REV1: variants seen among roughly 807,000 people sequenced by gnomAD.
REV1 encodes the protein translesion synthesis protein REV1.
Under a neutral mutation model 137.4 loss-of-function variants are expected in REV1, and 42 were observed. That is an observed-to-expected ratio of 0.31 (90% confidence interval 0.24 to 0.40). REV1 has a LOEUF of 0.40. REV1 is among the 10% of genes least tolerant of loss of function. The pLI, the probability that REV1 is intolerant of heterozygous loss-of-function variation, is 1.00. For synonymous variants in REV1, 524 were observed against 519.2 expected (o/e 1.01, Z -0.12); for missense variants, 1,282 against 1,490.1 (o/e 0.86, Z 2.30).
At chr2:99,450,658 CATAA>C (rs1180692863) in intron 3 of REV1, among the ~76,000 whole-genome samples, 6 of 152,190 alleles carry the variant, frequency 3.9e-5, no homozygotes, top group East Asian at 1.9e-4. Flanking sequence ...ATGCAAGCCA[CATAA>C]ATAAAAATTT....
chr2:99,453,884 C>A (rs1298851756), intron 3 of REV1, among the ~76,000 whole-genome samples: 2 of 113,698 alleles, frequency 1.8e-5, no homozygotes, highest in Non-Finnish European at 3.4e-5. Flanking sequence ...CAGAGTAAGG[C>A]TCTGTCTCAA....
Position 99,434,463 on chromosome 2 carries a change from T to A in REV1, c.1322-15A>T. Reference sequence around the variant, plus strand: ...CACTGGTTTTCCTGTGAGGAAAATATTAAATTATTTCTGTATGTGGTACAG... The same window carrying A: ...CACTGGTTTTCCTGTGAGGAAAATAATAAATTATTTCTGTATGTGGTACAG... On this transcript the variant is annotated splice_polypyrimidine_tract_variant and intron_variant, in intron 7 of 22. Coordinates refer to ENST00000258428, the MANE Select transcript of REV1 (RefSeq NM_016316.4). 1.3e-6 allele frequency: 2 copies of A among 1,559,920 alleles called. No homozygotes were observed. The highest frequency in any genetic ancestry group is 1.7e-6 in the Non-Finnish European group (2 of 1,144,662).
At chr2:99,413,643 AC>A (rs1443949793) in intron 12 of REV1, among the ~76,000 whole-genome samples, 1 of 152,146 alleles carries the variant, frequency 6.6e-6, no homozygotes, top group Admixed American at 6.5e-5. Flanking sequence ...GCAAGATGTA[AC>A]GTTTGAGCCC....
chr2:99,453,306 C>G (rs1344311882), intron 3 of REV1, among the ~76,000 whole-genome samples: 2 of 151,010 alleles, frequency 1.3e-5, no homozygotes, highest in Non-Finnish European at 2.9e-5. Flanking sequence ...TTGCAATGAG[C>G]TGAGATTGTG....
chr2:99,481,277 T>G (rs1205218387), intron 1 of REV1, among the ~76,000 whole-genome samples: 2 of 152,176 alleles, frequency 1.3e-5, no homozygotes, highest in African/African-American at 4.8e-5. Context: ...TTACAGCCAA[T>G]TATTAAGCTT....
chr2:99,414,444 G>A (rs561016501), intron 12 of REV1, among the ~76,000 whole-genome samples: 113 of 149,916 alleles, frequency 7.5e-4, no homozygotes, highest in African/African-American at 2.6e-3. Flanking sequence ...CAAAGACCCC[G>A]AGTTAACAAT....
chr2:99,403,673 AC>A (rs775570530), intron 19 of REV1, 21 bp downstream of exon 19: 2 of 1,614,098 alleles, frequency 1.2e-6, no homozygotes, highest in East Asian at 4.5e-5. Flanking sequence ...CATTTTTGTT[AC>A]ATGCCACTTC....
At chr2:99,403,643 ACTC>A in intron 19 of REV1, 49 bp downstream of exon 19, 1 of 1,612,360 alleles carries the variant, frequency 6.2e-7, no homozygotes. Context: ...GACAACAGTG[ACTC>A]CATTACTCTT....
Position 99,464,971 on chromosome 2 carries a change from C to T in REV1, c.5G>A (p.Arg2Lys). 1 of 1,612,834 alleles carries T rather than the reference C, an allele frequency of 6.2e-7. No individual in the cohort carries two copies. Among genetic ancestry groups the T allele is most frequent in the Non-Finnish European group, 8.5e-7 (1 of 1,179,192 alleles). Residue 2 changes from arginine (R) to lysine (K), a missense_variant, in exon 2 of 23, where the codon AGG (arginine) becomes AAG (lysine). By Grantham distance (26) the Arg-to-Lys change is conservative. Transcript: ENST00000258428. M[R>K]RGGWRKRAEN... ...AGCTCGCTTCCTCCATCCACCTCGC[C>T]TCATGGTGGAGCTTCTGTATTGGGG...
At chr2:99,472,180 T>C (rs1488014123) in intron 1 of REV1, among the ~76,000 whole-genome samples, 1 of 152,076 alleles carries the variant, frequency 6.6e-6, no homozygotes, top group Non-Finnish European at 1.5e-5. Context: ...GATGAATGGG[T>C]AAACAAAATG....
chr2:99,452,562 T>C (rs937245423), intron 3 of REV1, among the ~76,000 whole-genome samples: 3 of 151,534 alleles, frequency 2.0e-5, no homozygotes, highest in Non-Finnish European at 2.9e-5. Context: ...ACTTTCTCCA[T>C]AGCACTGATA....
intron 1 of REV1, among the ~76,000 whole-genome samples, chr2:99,476,426 C>A (rs1685984103): frequency 6.6e-6 from 1 of 152,032 alleles, no homozygotes; most frequent in Non-Finnish European, 1.5e-5. Context: ...CATGGTGGCA[C>A]ACGCCGGTAA....
intron 18 of REV1, 103 bp downstream of exon 18, chr2:99,404,341 G>T: frequency 3.6e-6 from 3 of 831,878 alleles, no homozygotes; most frequent in African/African-American, 1.7e-5. Flanking sequence ...CAGTGGATGT[G>T]GTGTCAGATA....
chr2:99,471,265 T>C (rs534540789), intron 1 of REV1, among the ~76,000 whole-genome samples: 8 of 152,332 alleles, frequency 5.3e-5, no homozygotes, highest in Admixed American at 3.9e-4. Context: ...AACTGGTTAA[T>C]AAAGGGCTTA....
intron 3 of REV1, among the ~76,000 whole-genome samples, chr2:99,455,289 C>T (rs956632903): frequency 6.6e-6 from 1 of 152,158 alleles, no homozygotes; most frequent in Non-Finnish European, 1.5e-5. Flanking sequence ...GAAAAGATAA[C>T]TTATTGATGA....
intron 1 of REV1, among the ~76,000 whole-genome samples, chr2:99,468,586 A>G (rs1431047772): frequency 6.6e-6 from 1 of 152,250 alleles, no homozygotes; most frequent in Non-Finnish European, 1.5e-5. Flanking sequence ...CTTGCAGACC[A>G]GGCTCCCAAT....
chr2:99,481,569 TAAAG>T (rs1363656841), intron 1 of REV1, among the ~76,000 whole-genome samples: 5 of 152,256 alleles, frequency 3.3e-5, no homozygotes, highest in Admixed American at 2.6e-4. Context: ...CATTGTGTAA[TAAAG>T]AATTTGGGGC....
rs1675366748 is a variant in REV1, at chr2:99,401,357, A to G, written c.3645-5T>C. 2 of 1,589,636 alleles carry G rather than the reference A, an allele frequency of 1.3e-6. No homozygotes were observed. The highest frequency in any genetic ancestry group is 1.3e-5 in the African/African-American group (1 of 74,378). On this transcript the variant is annotated splice_region_variant and splice_polypyrimidine_tract_variant and intron_variant, in intron 22 of 22. Coordinates refer to ENST00000258428, the MANE Select transcript of REV1 (RefSeq NM_016316.4). Reference sequence around the variant, plus strand: ...TCCACCGATTGCTGCATCAGCCTAAAGGTGGGGAGAGAAGAAATGTCATTA... The same window carrying G: ...TCCACCGATTGCTGCATCAGCCTAAGGGTGGGGAGAGAAGAAATGTCATTA...
intron 1 of REV1, among the ~76,000 whole-genome samples, chr2:99,476,546 A>C (rs947479110): frequency 4.8e-5 from 6 of 126,254 alleles, no homozygotes; most frequent in South Asian, 5.0e-4. Context: ...ACAGAGCAAG[A>C]ATCTGTCAAT....
Sources: gnomAD v4.1 joint callset for allele counts (sites outside exome capture counted in the v4.1 genomes callset) on GRCh38, gnomAD v4.1.1 for gene constraint, MANE v1.5 for transcripts, NCBI Gene and HGNC (gene_info 2026-07-23, HGNC 2026-07-21) for gene names.